PTPRT: variants seen among roughly 807,000 people sequenced by gnomAD.
PTPRT encodes protein tyrosine phosphatase receptor type T, also known as receptor-type tyrosine-protein phosphatase T.
PTPRT carries 56 observed loss-of-function variants against 176.8 expected under a neutral mutation model. That is an observed-to-expected ratio of 0.32 (90% CI 0.26 to 0.40). PTPRT has a LOEUF of 0.40. Ranked by LOEUF, PTPRT falls within the 10% of genes least tolerant of loss-of-function variation. PTPRT has a pLI of 1.00. For missense variants in PTPRT, 1,540 were observed against 1,908.2 expected, an observed-to-expected ratio of 0.81 and a Z score of 3.60; for synonymous variants, 783 against 739.0, an observed-to-expected ratio of 1.06 and a Z score of -0.96.
At chr20:42,622,760 C>A (rs564558310) in intron 7 of PTPRT, among the ~76,000 whole-genome samples, 35 of 152,236 alleles carry the variant, frequency 2.3e-4, no homozygotes, top group African/African-American at 8.2e-4. Flanking sequence ...GGTAAAAAAA[C>A]TGCATGGATC....
rs1982623520 is a variant in PTPRT at position 42,074,896 on chromosome 20, G to GC, written c.*5982dup. On this transcript the variant is annotated 3_prime_UTR_variant, in exon 31 of 31. Transcript: ENST00000373187. ...GGTTACTAAAAAACTAGAAGAGTCT[G>GC]CTCATGTGCACAAATATGGCTTAGA... 2.5e-6 allele frequency: 1 copy of GC among 398,586 alleles called. No homozygotes were observed. The highest frequency in any genetic ancestry group is 4.4e-6 in the Non-Finnish European group (1 of 226,048). 24.7% of individuals were successfully genotyped at this position (398,586 alleles called of 1,614,324 possible). A position where few individuals can be genotyped will look rare whatever the true frequency, so the allele number is the denominator to read the frequency against.
At chr20:42,768,883 A>T (rs2077023079) in intron 5 of PTPRT, among the ~76,000 whole-genome samples, 1 of 152,220 alleles carries the variant, frequency 6.6e-6, no homozygotes, top group Admixed American at 6.5e-5. Flanking sequence ...CCTCCCACTG[A>T]CAAACCCAAG....
intron 1 of PTPRT, among the ~76,000 whole-genome samples, chr20:42,953,567 C>T (rs535181007): frequency 6.6e-6 from 1 of 152,284 alleles, no homozygotes; most frequent in African/African-American, 2.4e-5. Context: ...CTTCTCACTT[C>T]CACCTGCAGT....
intron 13 of PTPRT, among the ~76,000 whole-genome samples, chr20:42,277,813 C>A (rs528633085): frequency 3.8e-4 from 57 of 151,624 alleles, no homozygotes; most frequent in Middle Eastern, 3.4e-3. Flanking sequence ...TTTAAGAGAA[C>A]AATCCTGACA....
intron 1 of PTPRT, among the ~76,000 whole-genome samples, chr20:42,911,367 G>T (rs1275923020): frequency 1.3e-5 from 2 of 151,850 alleles, no homozygotes; most frequent in Admixed American, 1.3e-4. Context: ...ATTATTATTA[G>T]GAATACAGTA....
At chr20:42,436,820 G>C (rs567722014) in intron 9 of PTPRT, among the ~76,000 whole-genome samples, 2 of 152,184 alleles carry the variant, frequency 1.3e-5, no homozygotes, top group African/African-American at 2.4e-5. Context: ...TAGTATCTTC[G>C]TGCAGTGGAG....
intron 23 of PTPRT, among the ~76,000 whole-genome samples, chr20:42,109,554 A>AGTGATCTTGAAAATAAT (rs1986827421): frequency 6.6e-6 from 1 of 152,146 alleles, no homozygotes; most frequent in East Asian, 1.9e-4. Flanking sequence ...CAGGCTGGCA[A>AGTGATCTTGAAAATAAT]GTGATCTTGA....
In PTPRT at chr20:42,586,478, G is replaced by A. The variant is rs150974206; in HGVS notation, c.1153+91388C>T. 2.5e-3 allele frequency among the ~76,000 whole-genome samples: 382 copies of A among 152,212 alleles called. 1 individual carries two copies. Among genetic ancestry groups the A allele is most frequent in the South Asian group, 0.017 (82 of 4,820 alleles). On this transcript the variant is annotated intron_variant, in intron 7 of 30. Transcript: ENST00000373187. ...ATCACAAGAAAATAGCTTCCAGTAG[G>A]TTACGACTCATCTAGCTCCCAAAGT...
chr20:42,844,828 C>T lies in PTPRT; in HGVS notation c.214+40979G>A, dbSNP rs143676645. On this transcript the variant is annotated intron_variant, in intron 2 of 30. Coordinates refer to ENST00000373187, the MANE Select transcript of PTPRT (RefSeq NM_007050.6). ...GACCCCATGCTAGGAGATGGGCGTA[C>T]GGGGATTTGGCAAGCTGCCTAGTCT... Among the ~76,000 whole-genome samples the T allele has an allele frequency of 6.1e-3, 924 of 152,268 alleles. 6 individuals are homozygous for T. Among genetic ancestry groups the T allele is most frequent in the Non-Finnish European group, 8.7e-3 (593 of 68,016 alleles).
At chr20:42,382,372 G>A (rs1019260666) in intron 9 of PTPRT, among the ~76,000 whole-genome samples, 1 of 152,182 alleles carries the variant, frequency 6.6e-6, no homozygotes, top group Non-Finnish European at 1.5e-5. Context: ...CAGTTCTAAA[G>A]CATCCACATG....
At chr20:42,140,821 G>A (rs934513917) in intron 18 of PTPRT, among the ~76,000 whole-genome samples, 1 of 152,148 alleles carries the variant, frequency 6.6e-6, no homozygotes, top group Non-Finnish European at 1.5e-5. Flanking sequence ...GATCCATGCT[G>A]CTCACCAGTG....
chr20:42,150,029 C>A (rs4404342), intron 17 of PTPRT, among the ~76,000 whole-genome samples: 20,339 of 152,150 alleles, frequency 0.13, 3,493 homozygotes, highest in African/African-American at 0.4. Context: ...TTAGTACGTT[C>A]ATTTTCTGCT....
intron 15 of PTPRT, among the ~76,000 whole-genome samples, chr20:42,232,813 C>CAA (rs5841454): frequency 5.5e-4 from 35 of 63,134 alleles, no homozygotes; most frequent in Non-Finnish European, 7.9e-4. Flanking sequence ...CTCTGTTTTA[C>CAA]AAAAAAAAAA....
In PTPRT at chr20:43,121,516, G is replaced by A. The variant is rs117227945; in HGVS notation, c.88+68130C>T. 3.6e-4 allele frequency among the ~76,000 whole-genome samples: 55 copies of A among 152,296 alleles called. No homozygotes were observed. In the East Asian group the frequency reaches 0.011, roughly 29 times the overall value. ...GTCTGTATCAGTTAATGAATCTGGTGGATGCATACTGAAATATCAGTGTAG... is the reference window on the plus strand; with the variant it reads ...GTCTGTATCAGTTAATGAATCTGGTAGATGCATACTGAAATATCAGTGTAG... On this transcript the variant is annotated intron_variant, in intron 1 of 30. Coordinates refer to ENST00000373187, the MANE Select transcript of PTPRT (RefSeq NM_007050.6).
intron 12 of PTPRT, among the ~76,000 whole-genome samples, chr20:42,299,663 T>TTTTTC: frequency 6.8e-6 from 1 of 146,552 alleles, no homozygotes; most frequent in East Asian, 2.0e-4. Context: ...TTTTTTTTTT[T>TTTTTC]TGAGACACAG....
At chr20:42,041,954 C>T in the PTPRT span, among the ~76,000 whole-genome samples, 1 of 152,130 alleles carries the variant, frequency 6.6e-6, no homozygotes, top group Non-Finnish European at 1.5e-5. Flanking sequence ...TCACCCTGCC[C>T]TAAGTATTTG....
intron 1 of PTPRT, among the ~76,000 whole-genome samples, chr20:43,131,806 C>T (rs553540551): frequency 3.9e-5 from 6 of 152,264 alleles, no homozygotes; most frequent in South Asian, 4.1e-4. Context: ...TTTAAAATAA[C>T]GCATCATGCT....
At chr20:42,557,811 T>C (rs928546362) in intron 7 of PTPRT, among the ~76,000 whole-genome samples, 1 of 152,166 alleles carries the variant, frequency 6.6e-6, no homozygotes, top group African/African-American at 2.4e-5. Flanking sequence ...ATAAGCCCAA[T>C]AGCCCAGCTC....
At chr20:42,479,450 T>A (rs1226425822) in intron 7 of PTPRT, among the ~76,000 whole-genome samples, 1 of 152,226 alleles carries the variant, frequency 6.6e-6, no homozygotes, top group Non-Finnish European at 1.5e-5. Context: ...AGAAATATGT[T>A]GACAGATAGT....
Sources: allele counts gnomAD v4.1 joint callset (sites outside exome capture counted in the v4.1 genomes callset), GRCh38; gene constraint gnomAD v4.1.1; transcripts MANE v1.5; gene names NCBI Gene and HGNC (gene_info 2026-07-23, HGNC 2026-07-21).